The following ZNF451 variants were observed in gnomAD, a reference collection of about 807,000 sequenced individuals.
The protein encoded by ZNF451 is zinc finger protein 451.
Under a neutral mutation model 107.1 loss-of-function variants are expected in ZNF451, and 80 were observed. The ratio of observed to expected loss-of-function variants is 0.75; its 90% CI spans 0.62 to 0.90. The LOEUF is 0.90. Ranked by LOEUF, ZNF451 falls within the 40% of genes least tolerant of loss-of-function variation. The probability of loss-of-function intolerance (pLI) is 0.00; values close to 1 mark genes in which losing one functional copy is unlikely to be tolerated. For synonymous variants in ZNF451, 362 were observed against 406.5 expected, an observed-to-expected ratio of 0.89 and a Z score of 1.32; for missense variants, 1,107 against 1,236.2, an observed-to-expected ratio of 0.90 and a Z score of 1.57.
chr6:57,151,371 TAAAAAAAAAAAA>T (rs59458185), intron 11 of ZNF451: 3 of 79,130 alleles, frequency 3.8e-5, no homozygotes, highest in Non-Finnish European at 7.3e-5. Context: ...GACTCTGTCT[TAAAAAAAAAAAA>T]AAAAAAAAAA....
chr6:57,093,898 T>C (rs757330265), intron 2 of ZNF451, among the ~76,000 whole-genome samples: 8 of 152,258 alleles, frequency 5.3e-5, no homozygotes, highest in East Asian at 3.8e-4. Context: ...ACAGGCACAA[T>C]TGGAAACTAT....
Position 57,133,032 on chromosome 6 carries a change from G to A in ZNF451, c.425-10G>A. ...ATAATAACCTAAGAATTCATATTCT[G>A]ATGATGCAGGACTCAAAACAGGCAC... On this transcript the variant is annotated splice_polypyrimidine_tract_variant and intron_variant, in intron 5 of 14. Transcript: ENST00000370706. The A allele has an allele frequency of 2.5e-6, 4 of 1,613,798 alleles. No homozygotes were observed. The highest frequency in any genetic ancestry group is 3.4e-6 in the Non-Finnish European group (4 of 1,179,834).
intron 3 of ZNF451, chr6:57,103,007 T>TA (rs1445583880): frequency 1.0e-6 from 1 of 985,324 alleles, no homozygotes; most frequent in Non-Finnish European, 1.2e-6. Flanking sequence ...ATGGCCTTCT[T>TA]AAACAACCTA....
chr6:57,138,741 A>ATATATATATATATATATATGTGTGTGTG (rs1365084616), intron 7 of ZNF451, among the ~76,000 whole-genome samples: 1 of 46,600 alleles, frequency 2.1e-5, no homozygotes, highest in African/African-American at 9.2e-5. Context: ...ATATATATAT[A>ATATATATATATATATATATGTGTGTGTG]TGTGTGTGTG....
At chr6:57,159,066 T>C in intron 13 of ZNF451, 3 of 985,486 alleles carry the variant, frequency 3.0e-6, no homozygotes, top group Non-Finnish European at 3.6e-6. Context: ...CCTCAGCCTG[T>C]TAATGAAAAC....
chr6:57,154,893 T>G (rs995304352), intron 13 of ZNF451, among the ~76,000 whole-genome samples: 1 of 150,600 alleles, frequency 6.6e-6, no homozygotes, highest in African/African-American at 2.4e-5. Flanking sequence ...GCCTCCTAGA[T>G]TTTTTTTTTC....
chr6:57,152,699 T>G (rs774280935), intron 12 of ZNF451, among the ~76,000 whole-genome samples: 5 of 152,044 alleles, frequency 3.3e-5, no homozygotes, highest in Non-Finnish European at 5.9e-5. Context: ...GCTGAAATGG[T>G]TCTTGTGCCT....
chr6:57,157,450 T>C (rs1308250413), intron 13 of ZNF451, among the ~76,000 whole-genome samples: 1 of 152,096 alleles, frequency 6.6e-6, no homozygotes, highest in Non-Finnish European at 1.5e-5. Context: ...TTTAGCATGG[T>C]GGGGAGGGGA....
intron 7 of ZNF451, among the ~76,000 whole-genome samples, chr6:57,136,759 G>A (rs571974468): frequency 5.3e-5 from 8 of 152,018 alleles, no homozygotes; most frequent in African/African-American, 1.9e-4. Context: ...AATTTGAGTA[G>A]GTAGTTTAAA....
intron 14 of ZNF451, among the ~76,000 whole-genome samples, chr6:57,163,704 C>T (rs1763782245): frequency 6.6e-6 from 1 of 151,864 alleles, no homozygotes; most frequent in African/African-American, 2.4e-5. Flanking sequence ...CCTGCCTCGG[C>T]CTCCCAAAGT....
chr6:57,144,781 T>G (rs1460734326), intron 9 of ZNF451, among the ~76,000 whole-genome samples: 1 of 151,814 alleles, frequency 6.6e-6, no homozygotes, highest in African/African-American at 2.4e-5. Flanking sequence ...ATACAAAAAA[T>G]TAACCGGGTG....
intron 7 of ZNF451, among the ~76,000 whole-genome samples, chr6:57,136,693 C>T (rs1831445874): frequency 6.6e-6 from 1 of 152,128 alleles, no homozygotes; most frequent in Non-Finnish European, 1.5e-5. Flanking sequence ...TTTCCCTATT[C>T]ATATACTGAG....
chr6:57,147,984 T>G lies in ZNF451; in HGVS notation c.1899T>G (p.Phe633Leu). The change falls in exon 10 of 15, where the codon TTT (phenylalanine) becomes TTG (leucine). Residue 633 changes from phenylalanine (F) to leucine (L), a missense_variant. Phe to Leu is a conservative substitution (Grantham distance 22, BLOSUM62 0). Transcript: ENST00000370706. ...QHCMSLASHK[F>L]HRYSCAHCRK... ...GCATGTCTTTGGCAAGCCACAAGTT[T>G]CATAGATACAGCTGTGCTCACTGCA... 6.2e-7 allele frequency: 1 copy of G among 1,614,168 alleles called. No homozygotes were observed. Among genetic ancestry groups the G allele is most frequent in the African/African-American group, 1.3e-5 (1 of 75,072 alleles).
At chr6:57,101,305 G>A (rs532467839) in intron 3 of ZNF451, 1 of 1,550,756 alleles carries the variant, frequency 6.4e-7, no homozygotes, top group Admixed American at 2.0e-5. Context: ...AAAACGTTTG[G>A]TTCCTCCATT....
At position 57,168,722 on chromosome 6, in the gene ZNF451, C is replaced by T. The variant is rs972958769; in HGVS notation, c.*253C>T. Reference sequence around the variant, plus strand: ...TTCTAATATAGGTGTAACAGTTTCCCAGTTAACTTTGAATTTATATATTTA... The same window carrying T: ...TTCTAATATAGGTGTAACAGTTTCCTAGTTAACTTTGAATTTATATATTTA... On this transcript the variant is annotated 3_prime_UTR_variant, in exon 15 of 15. Transcript: ENST00000370706. 13 of 362,148 alleles carry T rather than the reference C, an allele frequency of 3.6e-5. No homozygotes were observed. Among genetic ancestry groups the T allele is most frequent in the Non-Finnish European group, 6.4e-5 (13 of 204,008 alleles). 22.4% of individuals were successfully genotyped at this position (362,148 alleles called of 1,614,324 possible).
At chr6:57,141,830 C>T (rs1212026159) in intron 8 of ZNF451, 118 bp from the exon 9 acceptor site, 2 of 892,384 alleles carry the variant, frequency 2.2e-6, no homozygotes, top group East Asian at 5.4e-5. Flanking sequence ...TTTTTATTGC[C>T]AAAATAACTG....
intron 2 of ZNF451, among the ~76,000 whole-genome samples, chr6:57,093,958 C>T (rs1829168388): frequency 6.6e-6 from 1 of 152,124 alleles, no homozygotes; most frequent in Admixed American, 6.5e-5. Context: ...TCCCTGACTT[C>T]TCTATATGGG....
chr6:57,154,193 TA>T, intron 13 of ZNF451, 146 bp downstream of exon 13: 4 of 753,776 alleles, frequency 5.3e-6, no homozygotes, highest in South Asian at 1.8e-5. Context: ...TTATCTTTTT[TA>T]AAAAAATCTC....
intron 3 of ZNF451, among the ~76,000 whole-genome samples, chr6:57,110,275 T>G (rs1348220079): frequency 6.6e-6 from 1 of 152,188 alleles, no homozygotes; most frequent in East Asian, 1.9e-4. Context: ...TGATGATAAA[T>G]TATCTGTGAA....
Sources: allele counts gnomAD v4.1 joint callset (sites outside exome capture counted in the v4.1 genomes callset), GRCh38; gene constraint gnomAD v4.1.1; transcripts MANE v1.5; gene names NCBI Gene and HGNC (gene_info 2026-07-23, HGNC 2026-07-21).